The following ILDR2 variants were observed in gnomAD, a reference collection of about 807,000 sequenced individuals.
The protein encoded by ILDR2 is immunoglobulin-like domain-containing receptor 2.
ILDR2 carries 25 observed loss-of-function variants against 66.8 expected under a neutral mutation model. That is an observed-to-expected ratio of 0.37 (90% confidence interval 0.27 to 0.52). ILDR2 has a LOEUF of 0.52. Ranked by LOEUF, ILDR2 falls within the 20% of genes least tolerant of loss-of-function variation. The probability of loss-of-function intolerance (pLI) is 0.88; values close to 1 mark genes in which losing one functional copy is unlikely to be tolerated. For synonymous variants in ILDR2, 367 were observed against 357.2 expected (o/e 1.03, Z -0.31); for missense variants, 827 against 876.8 (o/e 0.94, Z 0.72).
At chr1:166,920,685 G>A in intron 9 of ILDR2, 22 bp downstream of exon 9, 1 of 1,368,860 alleles carries the variant, frequency 7.3e-7, no homozygotes, top group Non-Finnish European at 9.5e-7. Flanking sequence ...CCTCGGAGGA[G>A]GGGAGGCAGA....
At chr1:166,933,475 C>G in intron 6 of ILDR2, 1 of 821,536 alleles carries the variant, frequency 1.2e-6, no homozygotes, top group Non-Finnish European at 1.5e-6. Flanking sequence ...GTTCTATTAA[C>G]CAACCCTGGA....
intron 1 of ILDR2, among the ~76,000 whole-genome samples, chr1:166,974,504 G>A (rs978058578): frequency 2.2e-4 from 34 of 152,228 alleles, no homozygotes; most frequent in Non-Finnish European, 1.0e-4. Context: ...TGATGCTGGG[G>A]AGAAGCCCAA....
intron 6 of ILDR2, chr1:166,933,470 A>G: frequency 1.3e-6 from 1 of 783,162 alleles, no homozygotes; most frequent in Non-Finnish European, 1.5e-6. Context: ...GAACTGTTCT[A>G]TTAACCAACC....
chr1:166,975,009 GCCC>G (rs1198041874), intron 1 of ILDR2, among the ~76,000 whole-genome samples: 1 of 143,740 alleles, frequency 7.0e-6, no homozygotes, highest in Non-Finnish European at 1.5e-5. Flanking sequence ...CTCCCCCGCC[GCCC>G]CCATCATTCT....
intron 2 of ILDR2, among the ~76,000 whole-genome samples, chr1:166,900,936 C>T (rs1409609079): frequency 1.3e-5 from 2 of 152,134 alleles, no homozygotes; most frequent in East Asian, 1.9e-4. Flanking sequence ...CTTCTCCATT[C>T]GACTTTTGTA....
At chr1:166,948,886 C>T (rs150730377) in intron 3 of ILDR2, among the ~76,000 whole-genome samples, 4 of 152,290 alleles carry the variant, frequency 2.6e-5, no homozygotes, top group African/African-American at 4.8e-5. Context: ...TTACTAAGTT[C>T]TTTGTGCATT....
At position 166,912,551 on chromosome 1, in the gene ILDR2, A is replaced by C. The variant is rs1303929284; in HGVS notation, c.*6804T>G. 6.6e-6 allele frequency: 1 copy of C among 152,220 alleles called. No individual in the cohort carries two copies. Among genetic ancestry groups the C allele is most frequent in the Non-Finnish European group, 1.5e-5 (1 of 68,034 alleles). 9.4% of individuals were successfully genotyped at this position (152,220 alleles called of 1,614,324 possible). A position where few individuals can be genotyped will look rare whatever the true frequency, so the allele number is the denominator to read the frequency against. Reference sequence around the variant, plus strand: ...TCCAGAGGTAATCAAACTGTTTTAGAGTCTATCTTTAAGTTAAATCTACAT... The same window carrying C: ...TCCAGAGGTAATCAAACTGTTTTAGCGTCTATCTTTAAGTTAAATCTACAT... On this transcript the variant is annotated 3_prime_UTR_variant, in exon 10 of 10. Coordinates refer to ENST00000271417, the MANE Select transcript of ILDR2 (RefSeq NM_199351.3).
At chr1:166,955,798 T>G (rs1485171168) in intron 3 of ILDR2, among the ~76,000 whole-genome samples, 1 of 152,172 alleles carries the variant, frequency 6.6e-6, no homozygotes, top group African/African-American at 2.4e-5. Flanking sequence ...CAAATCTACC[T>G]TCAACCTCAT....
intron 7 of ILDR2, among the ~76,000 whole-genome samples, chr1:166,925,293 A>G (rs910867060): frequency 2.6e-5 from 4 of 152,200 alleles, no homozygotes; most frequent in Admixed American, 6.5e-5. Flanking sequence ...ATGGTTTACT[A>G]TGTTCTTCAG....
chr1:166,898,561 G>C (rs543272093), intron 2 of ILDR2, among the ~76,000 whole-genome samples: 1 of 152,202 alleles, frequency 6.6e-6, no homozygotes, highest in Non-Finnish European at 1.5e-5. Context: ...TGTAGCTTCT[G>C]CTCTCACCAG....
chr1:166,913,137 C>T lies in ILDR2; in HGVS notation c.*6218G>A, dbSNP rs1390775167. ...ATGTATCATATGATTCTTTCTCTTG[C>T]TGAGGCCATTTAATGTCAGATCATG... On this transcript the variant is annotated 3_prime_UTR_variant, in exon 10 of 10. Transcript: ENST00000271417. 2 of 152,158 alleles carry T rather than the reference C, an allele frequency of 1.3e-5. No homozygotes were observed. Among genetic ancestry groups the T allele is most frequent in the Non-Finnish European group, 2.9e-5 (2 of 68,030 alleles). 9.4% of individuals were successfully genotyped at this position (152,158 alleles called of 1,614,324 possible). A position where few individuals can be genotyped will look rare whatever the true frequency, so the allele number is the denominator to read the frequency against.
At chr1:166,961,508 G>T (rs1662613175) in intron 1 of ILDR2, among the ~76,000 whole-genome samples, 1 of 152,180 alleles carries the variant, frequency 6.6e-6, no homozygotes, top group African/African-American at 2.4e-5. Context: ...CATGGATTTT[G>T]CAGTCAGTCC....
At chr1:166,959,148 G>A (rs1310765301) in intron 1 of ILDR2, among the ~76,000 whole-genome samples, 2 of 152,142 alleles carry the variant, frequency 1.3e-5, no homozygotes, top group African/African-American at 4.8e-5. Flanking sequence ...CTTTGCTTGG[G>A]CAACTTTTTG....
chr1:166,903,511 G>C (rs971056507), downstream of ILDR2, among the ~76,000 whole-genome samples: 12 of 152,232 alleles, frequency 7.9e-5, no homozygotes, highest in African/African-American at 2.9e-4. Context: ...GATAACTCTA[G>C]TCACATGGCC....
At position 166,911,596 on chromosome 1, in the gene ILDR2, T is replaced by C. The variant is rs1659475056; in HGVS notation, c.*7759A>G. ...CCCACAAAGACTGTAGATATTGGAA[T>C]TACTGGATATAAAATTTTAAGTTAG... On this transcript the variant is annotated 3_prime_UTR_variant, in exon 10 of 10. Transcript: ENST00000271417. 1 of 151,654 alleles carries C rather than the reference T, an allele frequency of 6.6e-6. No individual in the cohort carries two copies. The highest frequency in any genetic ancestry group is 2.1e-4 in the South Asian group (1 of 4,820). The allele number at this position is 151,654 out of a possible 1,614,324, so 9.4% of individuals were successfully genotyped here.
chr1:166,973,704 G>A (rs894393817), intron 1 of ILDR2, among the ~76,000 whole-genome samples: 2 of 146,666 alleles, frequency 1.4e-5, no homozygotes, highest in African/African-American at 5.0e-5. Flanking sequence ...ACCGAGAGTA[G>A]AGGCAGATTA....
chr1:166,921,644 T>C lies in ILDR2; in HGVS notation c.1212-265A>G, dbSNP rs965713473. Among the ~76,000 whole-genome samples the C allele has an allele frequency of 6.6e-6, 1 of 152,246 alleles. No homozygotes were observed. Among genetic ancestry groups the C allele is most frequent in the Non-Finnish European group, 1.5e-5 (1 of 68,036 alleles). On this transcript the variant is annotated intron_variant, in intron 8 of 9. Coordinates refer to ENST00000271417, the MANE Select transcript of ILDR2 (RefSeq NM_199351.3). The surrounding 1 kb of genome is among the most constrained non-coding windows in gnomAD (Gnocchi z 5.3). ...ACATATTCTGTATCCTATGGAATAC[T>C]GACCCACCGTGGGGCTGCCTTCTGG...
In ILDR2 at chr1:166,914,980, C is replaced by T. The variant is rs1168054519; in HGVS notation, c.*4375G>A. ...GCCAGTCATCCTTATGATTTGTATG[C>T]TTTATAAAATGATTGAGTTTTTCTA... On this transcript the variant is annotated 3_prime_UTR_variant, in exon 10 of 10. Transcript: ENST00000271417. The T allele has an allele frequency of 6.6e-6, 1 of 152,194 alleles. No individual in the cohort carries two copies. Among genetic ancestry groups the T allele is most frequent in the African/African-American group, 2.4e-5 (1 of 41,434 alleles). The allele number at this position is 152,194 out of a possible 1,614,324, so 9.4% of individuals were successfully genotyped here.
intron 2 of ILDR2, among the ~76,000 whole-genome samples, chr1:166,896,369 G>T: frequency 6.6e-6 from 1 of 152,260 alleles, no homozygotes; most frequent in African/African-American, 2.4e-5. Context: ...GTGGACAGGA[G>T]TCAGCATGTG....
Sources: allele counts gnomAD v4.1 joint callset (sites outside exome capture counted in the v4.1 genomes callset), GRCh38; gene constraint gnomAD v4.1.1; non-coding constraint Gnocchi (gnomAD v3.1); transcripts MANE v1.5; gene names NCBI Gene and HGNC (gene_info 2026-07-23, HGNC 2026-07-21).